SLC4A10: variants seen among roughly 807,000 people sequenced by gnomAD.
SLC4A10 encodes sodium-driven chloride bicarbonate exchanger.
A neutral mutation model predicts 137.7 loss-of-function variants in SLC4A10; 42 were observed. That is an observed-to-expected ratio of 0.30 (90% CI 0.24 to 0.39). The LOEUF (loss-of-function observed/expected upper bound fraction) is 0.39, where lower values mean the gene tolerates loss of function less well. Among genes scored for constraint, SLC4A10 ranks in the 10% least tolerant of loss-of-function variants. SLC4A10 has a pLI of 1.00. For missense variants in SLC4A10, 925 were observed against 1,355.0 expected (o/e 0.68, Z 4.98); for synonymous variants, 474 against 464.1 (o/e 1.02, Z -0.27).
At chr2:161,854,889 T>C in intron 4 of SLC4A10, 81 bp from the exon 5 acceptor site, 2 of 1,349,268 alleles carry the variant, frequency 1.5e-6, no homozygotes, top group Non-Finnish European at 2.0e-6. Context: ...TATTTTTCTA[T>C]TTCAACCTTT....
At chr2:161,889,815 C>T (rs186874005) in intron 10 of SLC4A10, among the ~76,000 whole-genome samples, 9 of 151,934 alleles carry the variant, frequency 5.9e-5, no homozygotes, top group Admixed American at 5.9e-4. Flanking sequence ...TTAGTTATTT[C>T]TTCTCTTCTG....
intron 3 of SLC4A10, among the ~76,000 whole-genome samples, chr2:161,812,370 A>AT (rs911636703): frequency 4.0e-4 from 60 of 150,206 alleles, no homozygotes; most frequent in African/African-American, 1.3e-3. Context: ...TATATCTTTC[A>AT]TTTTTTTTTA....
chr2:161,709,495 C>T (rs1574487777), intron 1 of SLC4A10, among the ~76,000 whole-genome samples: 1 of 151,568 alleles, frequency 6.6e-6, no homozygotes, highest in Non-Finnish European at 1.5e-5. Context: ...TAGATATATA[C>T]TAACGTATTG....
intron 1 of SLC4A10, among the ~76,000 whole-genome samples, chr2:161,685,639 A>C (rs866655246): frequency 3.3e-5 from 5 of 151,164 alleles, no homozygotes; most frequent in Admixed American, 6.6e-5. Flanking sequence ...AACAAACAAA[A>C]AAAAAAACAA....
At chr2:161,850,235 C>T (rs927952673) in intron 4 of SLC4A10, among the ~76,000 whole-genome samples, 2 of 151,722 alleles carry the variant, frequency 1.3e-5, no homozygotes, top group Non-Finnish European at 2.9e-5. Context: ...ACTAAAAATA[C>T]AAAAAAATTA....
Position 161,818,405 on chromosome 2 carries a change from A to G in SLC4A10, c.277+13810A>G, listed in dbSNP as rs527923459. Among the ~76,000 whole-genome samples, 10 of 152,310 alleles carry G rather than the reference A, an allele frequency of 6.6e-5. No individual in the cohort carries two copies. The South Asian group carries it at 8.3e-4, about 13-fold the overall frequency. ...GCTGAGATGATGGGGTTTTCTAGAT[A>G]TACAATCATGTCATCTGCAAACAGG... On this transcript the variant is annotated intron_variant, in intron 3 of 26. Transcript: ENST00000446997.
chr2:161,844,896 T>C (rs954581235), intron 4 of SLC4A10, among the ~76,000 whole-genome samples: 10 of 152,092 alleles, frequency 6.6e-5, no homozygotes, highest in African/African-American at 2.4e-4. Flanking sequence ...TTCTCAGGGT[T>C]TAAATCCACC....
At chr2:161,725,058 G>A (rs576485117) in intron 1 of SLC4A10, among the ~76,000 whole-genome samples, 14 of 152,248 alleles carry the variant, frequency 9.2e-5, no homozygotes, top group African/African-American at 3.4e-4. Flanking sequence ...TGTTGAATAA[G>A]AAAATGAAGA....
chr2:161,978,889 C>A (rs966716647), intron 26 of SLC4A10, among the ~76,000 whole-genome samples: 1 of 152,146 alleles, frequency 6.6e-6, no homozygotes, highest in African/African-American at 2.4e-5. Context: ...TATTCTAAAA[C>A]ATGCTTTAAC....
intron 1 of SLC4A10, among the ~76,000 whole-genome samples, chr2:161,767,125 A>T (rs1222985956): frequency 2.5e-5 from 2 of 80,572 alleles, no homozygotes; most frequent in South Asian, 7.6e-4. Flanking sequence ...ATATATATAT[A>T]TATATATATA....
intron 23 of SLC4A10, among the ~76,000 whole-genome samples, chr2:161,973,602 C>G (rs1027207945): frequency 6.6e-6 from 1 of 152,154 alleles, no homozygotes; most frequent in Non-Finnish European, 1.5e-5. Context: ...TCTCTCAAGA[C>G]ACATCTGTGT....
chr2:161,686,065 G>A (rs189290332), intron 1 of SLC4A10, among the ~76,000 whole-genome samples: 44 of 152,248 alleles, frequency 2.9e-4, no homozygotes, highest in Middle Eastern at 3.4e-3. Context: ...AGAAAATCAG[G>A]TAGAAGCTGA....
chr2:161,624,618 G>A (rs2031882517), intron 1 of SLC4A10, 52 bp downstream of exon 1: 2 of 1,550,720 alleles, frequency 1.3e-6, no homozygotes, highest in Admixed American at 2.0e-5. Context: ...TGCAAAACCT[G>A]TTAGGCAAGC....
Position 161,687,704 on chromosome 2 carries a change from G to A in SLC4A10, c.48+63138G>A, listed in dbSNP as rs183001040. Among the ~76,000 whole-genome samples, 72 of 152,210 alleles carry A rather than the reference G, an allele frequency of 4.7e-4. No individual in the cohort carries two copies. In the East Asian group the frequency reaches 0.011, roughly 24 times the overall value. On this transcript the variant is annotated intron_variant, in intron 1 of 26. Coordinates refer to ENST00000446997, the MANE Select transcript of SLC4A10 (RefSeq NM_001178015.2). ...TCCCAACGTGTCAAGGTGGGGACCG[G>A]GTCGATGTAAGTGAATCAGGGGGGC...
intron 3 of SLC4A10, among the ~76,000 whole-genome samples, chr2:161,825,602 C>A (rs2057964466): frequency 6.6e-6 from 1 of 152,166 alleles, no homozygotes; most frequent in Non-Finnish European, 1.5e-5. Flanking sequence ...TCTCCCCGCT[C>A]CCCTCTCATG....
At chr2:161,778,192 A>G (rs1043177962) in intron 2 of SLC4A10, among the ~76,000 whole-genome samples, 1 of 151,832 alleles carries the variant, frequency 6.6e-6, no homozygotes, top group Non-Finnish European at 1.5e-5. Flanking sequence ...CCAAATTAAC[A>G]CCTTCTCATA....
At chr2:161,867,284 G>A (rs2060818240) in intron 6 of SLC4A10, among the ~76,000 whole-genome samples, 1 of 151,748 alleles carries the variant, frequency 6.6e-6, no homozygotes, top group African/African-American at 2.4e-5. Context: ...CTGTCTTTAC[G>A]TATTTAGATA....
In SLC4A10 at chr2:161,881,043, T is replaced by A. The variant is rs192013465; in HGVS notation, c.1107-1314T>A. Among the ~76,000 whole-genome samples, 4 of 152,096 alleles carry A rather than the reference T, an allele frequency of 2.6e-5. No individual in the cohort carries two copies. The East Asian group carries it at 7.7e-4, about 29-fold the overall frequency. The stretch of plus-strand genomic sequence containing the variant: ...TTAGGGCCACTGTAGAGCAACTGTA[T>A]GAGAAAAGATTTAAAGACAAGACTA... On this transcript the variant is annotated intron_variant, in intron 9 of 26. Coordinates refer to ENST00000446997, the MANE Select transcript of SLC4A10 (RefSeq NM_001178015.2).
At chr2:161,779,414 G>A (rs1290461600) in intron 2 of SLC4A10, among the ~76,000 whole-genome samples, 6 of 151,940 alleles carry the variant, frequency 3.9e-5, no homozygotes, top group African/African-American at 1.4e-4. Flanking sequence ...TATAAGTAAA[G>A]CACCTAGCAC....
Sources: gnomAD v4.1 joint callset for allele counts (sites outside exome capture counted in the v4.1 genomes callset) on GRCh38, gnomAD v4.1.1 for gene constraint, MANE v1.5 for transcripts, NCBI Gene and HGNC (gene_info 2026-07-23, HGNC 2026-07-21) for gene names.